Variants in ZNF131 observed in about 807,000 individuals in gnomAD.
ZNF131 encodes zinc finger and BTB domain containing 35.
ZNF131 carries 7 observed loss-of-function variants against 60.0 expected under a neutral mutation model. That is an observed-to-expected ratio of 0.12 (90% CI 0.07 to 0.22). The LOEUF is 0.22. ZNF131 is among the 10% of genes least tolerant of loss of function. The pLI, the probability that ZNF131 is intolerant of heterozygous loss-of-function variation, is 1.00. For synonymous variants in ZNF131, 257 were observed against 253.2 expected (o/e 1.01, Z -0.14); for missense variants, 493 against 740.9 (o/e 0.67, Z 3.88).
At chr5:43,172,997 C>T (rs570627028) in intron 5 of ZNF131, 24 of 180,212 alleles carry the variant, frequency 1.3e-4, no homozygotes, top group African/African-American at 1.7e-4. Flanking sequence ...GATGCAATTC[C>T]GCAAAATAGA....
At chr5:43,134,694 T>TC (rs1554064575) in intron 3 of ZNF131, among the ~76,000 whole-genome samples, 19 of 28,052 alleles carry the variant, frequency 6.8e-4, no homozygotes, top group Admixed American at 2.0e-3. Flanking sequence ...TCTTTTTTTC[T>TC]TTTTTTTTTT....
intron 4 of ZNF131, among the ~76,000 whole-genome samples, chr5:43,150,428 C>G (rs1229010552): frequency 1.3e-5 from 2 of 152,076 alleles, no homozygotes; most frequent in Non-Finnish European, 2.9e-5. Context: ...CTGTATTATC[C>G]TGGCTGGTAC....
At chr5:43,143,344 G>C in intron 4 of ZNF131, 1 of 1,303,438 alleles carries the variant, frequency 7.7e-7, no homozygotes, top group Non-Finnish European at 9.8e-7. Flanking sequence ...TAAGTGCAGT[G>C]ATCCAGGATG....
At chr5:43,137,431 T>C (rs1228953765) in intron 3 of ZNF131, among the ~76,000 whole-genome samples, 1 of 152,158 alleles carries the variant, frequency 6.6e-6, no homozygotes, top group Non-Finnish European at 1.5e-5. Flanking sequence ...TTTTTTTAAA[T>C]GTGCTAAGAA....
At chr5:43,158,387 T>G (rs1296199552) in intron 4 of ZNF131, among the ~76,000 whole-genome samples, 1 of 152,248 alleles carries the variant, frequency 6.6e-6, no homozygotes, top group Non-Finnish European at 1.5e-5. Context: ...CCTCCTGGGT[T>G]CAAGTGATTC....
intron 4 of ZNF131, among the ~76,000 whole-genome samples, chr5:43,156,624 A>G (rs1301202310): frequency 6.6e-6 from 1 of 152,106 alleles, no homozygotes; most frequent in Non-Finnish European, 1.5e-5. Flanking sequence ...ACACCGATCT[A>G]TTTCAGCTTC....
At chr5:43,170,923 T>C (rs1285137847) in intron 5 of ZNF131, among the ~76,000 whole-genome samples, 2 of 149,516 alleles carry the variant, frequency 1.3e-5, no homozygotes, top group Non-Finnish European at 3.0e-5. Context: ...GTGTGATGAC[T>C]GCACCCGGCG....
At chr5:43,168,681 T>C (rs1750635366) in intron 5 of ZNF131, among the ~76,000 whole-genome samples, 1 of 152,218 alleles carries the variant, frequency 6.6e-6, no homozygotes, top group South Asian at 2.1e-4. Flanking sequence ...ATTGATATTC[T>C]AGAGAGATGA....
intron 3 of ZNF131, among the ~76,000 whole-genome samples, chr5:43,131,160 C>T (rs1241269219): frequency 6.8e-6 from 1 of 147,812 alleles, no homozygotes; most frequent in South Asian, 2.2e-4. Context: ...CCACAGCGCC[C>T]GGCCTCCAAG....
intron 3 of ZNF131, among the ~76,000 whole-genome samples, chr5:43,129,761 TCTC>T (rs1243966918): frequency 1.3e-5 from 2 of 151,982 alleles, no homozygotes; most frequent in African/African-American, 4.8e-5. Context: ...TTCAAGCAGT[TCTC>T]CTGCCTCAGC....
rs935191581 is a variant in ZNF131, at chr5:43,155,569, G to A, written c.372-5680G>A. Among the ~76,000 whole-genome samples the A allele has an allele frequency of 2.6e-5, 4 of 152,300 alleles. No homozygotes were observed. In the South Asian group the frequency reaches 8.3e-4, roughly 32 times the overall value. On this transcript the variant is annotated intron_variant, in intron 4 of 6. Coordinates refer to ENST00000682664, the MANE Select transcript of ZNF131 (RefSeq NM_001330707.2). ...CTAAAGGTAGAGAGAATGCACTGCA[G>A]TTCGATTGTTAACTTCCAAAGCAGC...
chr5:43,170,387 A>G (rs977673898), intron 5 of ZNF131, among the ~76,000 whole-genome samples: 8 of 152,170 alleles, frequency 5.3e-5, no homozygotes. Context: ...GGACCTCCTC[A>G]TTACTGGGGC....
At chr5:43,129,099 A>G (rs942126263) in intron 3 of ZNF131, among the ~76,000 whole-genome samples, 5 of 151,602 alleles carry the variant, frequency 3.3e-5, no homozygotes, top group African/African-American at 1.2e-4. Context: ...TGCCCAGCTA[A>G]TATTTTTTGT....
intron 5 of ZNF131, among the ~76,000 whole-genome samples, chr5:43,166,118 G>A (rs1750312920): frequency 1.3e-5 from 2 of 152,172 alleles, no homozygotes; most frequent in Non-Finnish European, 1.5e-5. Context: ...TGTTTGTTTC[G>A]TTTAATCTTT....
At chr5:43,157,487 A>C (rs1749106000) in intron 4 of ZNF131, among the ~76,000 whole-genome samples, 1 of 151,024 alleles carries the variant, frequency 6.6e-6, no homozygotes. Context: ...TGGGGCAGAC[A>C]TGGTACCAGA....
chr5:43,122,033 T>C lies in ZNF131; in HGVS notation c.-15-6T>C, dbSNP rs1284253368. 6.2e-7 allele frequency: 1 copy of C among 1,613,272 alleles called. No homozygotes were observed. The highest frequency in any genetic ancestry group is 8.5e-7 in the Non-Finnish European group (1 of 1,179,764). ...GGGTGTACATTATCATGCTCTTCTT[T>C]TGTAGAGCAGCCCGACGGCCATGGA... On this transcript the variant is annotated splice_polypyrimidine_tract_variant and splice_region_variant and intron_variant, in intron 1 of 6. Coordinates refer to ENST00000682664, the MANE Select transcript of ZNF131 (RefSeq NM_001330707.2).
chr5:43,135,975 T>C (rs1023982279), intron 3 of ZNF131, among the ~76,000 whole-genome samples: 1 of 151,834 alleles, frequency 6.6e-6, no homozygotes, highest in Non-Finnish European at 1.5e-5. Flanking sequence ...ATTAGGTGGG[T>C]ATGGTGGTGC....
At chr5:43,126,422 C>T (rs1404762148) in intron 3 of ZNF131, among the ~76,000 whole-genome samples, 2 of 152,158 alleles carry the variant, frequency 1.3e-5, no homozygotes, top group African/African-American at 2.4e-5. Context: ...TTGTGCAGTT[C>T]TCAGCGCCTT....
At chr5:43,133,861 C>T (rs1315612279) in intron 3 of ZNF131, among the ~76,000 whole-genome samples, 1 of 152,170 alleles carries the variant, frequency 6.6e-6, no homozygotes, top group Non-Finnish European at 1.5e-5. Context: ...AACAGATGTA[C>T]AACTGCTGTA....
Sources: gnomAD v4.1 joint callset for allele counts (sites outside exome capture counted in the v4.1 genomes callset) on GRCh38, gnomAD v4.1.1 for gene constraint, MANE v1.5 for transcripts, NCBI Gene and HGNC (gene_info 2026-07-23, HGNC 2026-07-21) for gene names.